Variants in TATDN3 observed in about 807,000 individuals in gnomAD.
TATDN3 encodes TatD DNase domain containing 3.
Under a neutral mutation model 40.1 loss-of-function variants are expected in TATDN3, and 29 were observed. The ratio of observed to expected loss-of-function variants is 0.72; its 90% CI spans 0.54 to 0.99. The LOEUF (loss-of-function observed/expected upper bound fraction) is 0.99, where lower values mean the gene tolerates loss of function less well. TATDN3 is among the 50% of genes least tolerant of loss of function. The pLI is 0.00. For missense variants in TATDN3, 309 were observed against 321.9 expected (o/e 0.96, Z 0.31); for synonymous variants, 105 against 117.0 (o/e 0.90, Z 0.66).
intron 1 of TATDN3, chr1:212,792,919 G>A (rs890983176): frequency 2.6e-5 from 4 of 152,186 alleles, no homozygotes; most frequent in African/African-American, 9.7e-5. Context: ...TTATTTCAGG[G>A]GGAAATCCTC....
rs1662242764 is a variant in TATDN3, at chr1:212,802,720, C to T, written c.278C>T (p.Pro93Leu). ...VTLKDLDVAL[P>L]IIENYKDRLL... ...TCCCAGGATTTGGATGTAGCTTTGC[C>T]CATTATTGAGAATTATAAGGATCGG... The change falls in exon 5 of 10, where the codon CCC becomes CTC. Residue 93 changes from proline (P) to leucine (L), a missense_variant. Transcript: ENST00000366974. The T allele has an allele frequency of 8.7e-6, 14 of 1,612,744 alleles. No individual in the cohort carries two copies. The highest frequency in any genetic ancestry group is 1.1e-5 in the Non-Finnish European group (13 of 1,178,872).
At chr1:212,799,031 C>G (rs1305222180) in intron 4 of TATDN3, among the ~76,000 whole-genome samples, 10 of 152,164 alleles carry the variant, frequency 6.6e-5, no homozygotes, top group African/African-American at 2.4e-4. Context: ...ACTGGCCATG[C>G]AAAGAGAGGA....
chr1:212,799,298 A>G (rs964136590), intron 4 of TATDN3, among the ~76,000 whole-genome samples: 2 of 152,290 alleles, frequency 1.3e-5, no homozygotes, highest in African/African-American at 4.8e-5. Context: ...CTCTGGCCAA[A>G]ATGAGTTTGG....
intron 4 of TATDN3, among the ~76,000 whole-genome samples, chr1:212,802,332 A>T (rs1238278945): frequency 6.6e-6 from 1 of 152,214 alleles, no homozygotes; most frequent in Non-Finnish European, 1.5e-5. Context: ...CAACAATGCA[A>T]TCGCAAAGCT....
At chr1:212,802,528 C>A (rs1662231934) in intron 4 of TATDN3, among the ~76,000 whole-genome samples, 173 bp from the exon 5 acceptor site, 1 of 152,226 alleles carries the variant, frequency 6.6e-6, no homozygotes, top group Non-Finnish European at 1.5e-5. Flanking sequence ...CTCAAACTTA[C>A]AGGTAGAGGT....
intron 8 of TATDN3, among the ~76,000 whole-genome samples, 200 bp downstream of exon 8, chr1:212,808,048 C>T (rs1345480444): frequency 6.6e-6 from 1 of 152,130 alleles, no homozygotes; most frequent in Non-Finnish European, 1.5e-5. Flanking sequence ...CTCAGGGGCT[C>T]ACGCTTGTAA....
intron 5 of TATDN3, among the ~76,000 whole-genome samples, chr1:212,803,918 C>T (rs915564352): frequency 1.3e-5 from 2 of 152,034 alleles, no homozygotes; most frequent in Non-Finnish European, 2.9e-5. Flanking sequence ...CACCTGTAAT[C>T]CCAGCTACTC....
chr1:212,791,991 T>C lies in TATDN3; in HGVS notation c.66+4T>C, dbSNP rs755872731. On this transcript the variant is annotated splice_donor_region_variant and intron_variant, in intron 1 of 9. Coordinates refer to ENST00000366974, the MANE Select transcript of TATDN3 (RefSeq NM_001042552.3). ...CTCCGCCCCGGACTTTGACCGCGTA[T>C]GTGAGGGCGATACGGGACCAGAGGG... 2.5e-6 allele frequency: 4 copies of C among 1,613,964 alleles called. No individual in the cohort carries two copies. The highest frequency in any genetic ancestry group is 3.4e-6 in the Non-Finnish European group (4 of 1,179,906).
At chr1:212,806,813 T>C (rs1432388152) in intron 7 of TATDN3, among the ~76,000 whole-genome samples, 2 of 122,400 alleles carry the variant, frequency 1.6e-5, no homozygotes, top group African/African-American at 3.0e-5. Context: ...TATACACATA[T>C]ATACACATAT....
intron 8 of TATDN3, among the ~76,000 whole-genome samples, chr1:212,810,727 T>C (rs1001180401): frequency 1.3e-5 from 2 of 152,022 alleles, no homozygotes; most frequent in African/African-American, 4.8e-5. Flanking sequence ...CATAAAGCTT[T>C]GAGTGCCTTA....
At chr1:212,798,020 G>A (rs1002975927) in intron 4 of TATDN3, among the ~76,000 whole-genome samples, 15 of 151,976 alleles carry the variant, frequency 9.9e-5, no homozygotes, top group African/African-American at 3.1e-4. Flanking sequence ...TTAAGATATA[G>A]TGCCATTTAA....
At chr1:212,807,963 C>A (rs1253000947) in intron 8 of TATDN3, 115 bp downstream of exon 8, 3 of 628,630 alleles carry the variant, frequency 4.8e-6, no homozygotes, top group South Asian at 2.2e-5. Context: ...AATCTTAGGT[C>A]TCTACCTCAC....
chr1:212,797,374 C>T (rs1661851825), intron 4 of TATDN3, 178 bp downstream of exon 4: 1 of 581,736 alleles, frequency 1.7e-6, no homozygotes. Flanking sequence ...AAAGTAGAAA[C>T]AGCCTAGAGG....
At chr1:212,797,243 G>T (rs779177832) in intron 4 of TATDN3, 47 bp downstream of exon 4, 2 of 1,418,224 alleles carry the variant, frequency 1.4e-6, no homozygotes, top group South Asian at 1.2e-5. Context: ...ACAAACGAAA[G>T]AATTATTTGA....
chr1:212,807,688 T>C lies in TATDN3; in HGVS notation c.488-48T>C, dbSNP rs747653369. The C allele has an allele frequency of 3.6e-6, 5 of 1,406,336 alleles. No homozygotes were observed. The Admixed American group carries it at 6.3e-5, about 18-fold the overall frequency. 87.1% of individuals were successfully genotyped at this position (1,406,336 alleles called of 1,614,324 possible). On this transcript the variant is annotated intron_variant, in intron 7 of 9. Coordinates refer to ENST00000366974, the MANE Select transcript of TATDN3 (RefSeq NM_001042552.3). ...TTCAGACTTCTGTTATTTAATTTGA[T>C]TGATGGGACATAAAATGGAATACTG... is the stretch of plus-strand genomic sequence containing the variant.
chr1:212,811,611 C>T (rs1248378557), intron 8 of TATDN3, among the ~76,000 whole-genome samples: 1 of 152,000 alleles, frequency 6.6e-6, no homozygotes, highest in Non-Finnish European at 1.5e-5. Flanking sequence ...CGGAGTCTCG[C>T]TCTGTTGCCC....
In TATDN3 at chr1:212,812,266, C is replaced by T. The variant is rs1571976594; in HGVS notation, c.619C>T (p.Gln207Ter). Reference protein sequence around the residue: ...RSGQKQKLVKQLPLTSICLET... With the variant: ...RSGQKQKLVK Reference sequence around the variant, plus strand: ...CTCTAAGAAGCAGAAACTTGTGAAACAATTGCCTTTAACTTCTATATGCTT... The same window carrying T: ...CTCTAAGAAGCAGAAACTTGTGAAATAATTGCCTTTAACTTCTATATGCTT... Residue 207 changes from glutamine (Q) to a stop codon, truncating the protein, a stop_gained, in exon 9 of 10, where the codon CAA becomes TAA. Coordinates refer to ENST00000366974, the MANE Select transcript of TATDN3 (RefSeq NM_001042552.3). LOFTEE classifies it high-confidence loss of function. The T allele has an allele frequency of 6.3e-7, 1 of 1,578,758 alleles. No homozygotes were observed. The highest frequency in any genetic ancestry group is 8.6e-7 in the Non-Finnish European group (1 of 1,169,194).
At chr1:212,806,787 C>CATATAT (rs1662528205) in intron 7 of TATDN3, among the ~76,000 whole-genome samples, 2 of 85,878 alleles carry the variant, frequency 2.3e-5, no homozygotes, top group African/African-American at 7.5e-5. Context: ...TATATATACA[C>CATATAT]ACACACACAC....
At chr1:212,804,054 A>G (rs1196836207) in intron 5 of TATDN3, among the ~76,000 whole-genome samples, 2 of 152,150 alleles carry the variant, frequency 1.3e-5, no homozygotes. Context: ...AAACAAAAAA[A>G]AAGGAATATA....
Sources: allele counts gnomAD v4.1 joint callset (sites outside exome capture counted in the v4.1 genomes callset), GRCh38; gene constraint gnomAD v4.1.1; transcripts MANE v1.5; gene names NCBI Gene and HGNC (gene_info 2026-07-23, HGNC 2026-07-21).